CRPPA: variants seen among roughly 807,000 people sequenced by gnomAD.
CRPPA encodes D-ribitol-5-phosphate cytidylyltransferase.
A neutral mutation model predicts 52.0 loss-of-function variants in CRPPA; 43 were observed. That is an observed-to-expected ratio of 0.83 (90% CI 0.65 to 1.07). CRPPA has a LOEUF of 1.07. CRPPA is among the 50% of genes least tolerant of loss of function. The pLI, the probability that CRPPA is intolerant of heterozygous loss-of-function variation, is 0.00. For missense variants in CRPPA, 629 were observed against 551.7 expected, an observed-to-expected ratio of 1.14 and a Z score of -1.40; for synonymous variants, 250 against 203.5, an observed-to-expected ratio of 1.23 and a Z score of -1.94.
chr7:16,236,117 C>G (rs1782943582), intron 8 of CRPPA: 1 of 152,030 alleles, frequency 6.6e-6, no homozygotes, highest in Non-Finnish European at 1.5e-5. Flanking sequence ...GCAAGAAACA[C>G]AAGCTCATAG....
At chr7:16,417,797 TA>T (rs370966458) in intron 1 of CRPPA, among the ~76,000 whole-genome samples, 190 of 146,496 alleles carry the variant, frequency 1.3e-3, no homozygotes, top group African/African-American at 3.7e-3. Context: ...GTTGAAGTTA[TA>T]AAAAAAAAAA....
intron 9 of CRPPA, among the ~76,000 whole-genome samples, chr7:16,126,936 T>G (rs1015847084): frequency 3.3e-5 from 5 of 152,158 alleles, no homozygotes; most frequent in Admixed American, 6.5e-5. Context: ...AAAAATAGTA[T>G]GCTACAAGAC....
intron 9 of CRPPA, among the ~76,000 whole-genome samples, chr7:16,137,348 T>C (rs978534653): frequency 2.6e-5 from 4 of 152,232 alleles, no homozygotes; most frequent in Admixed American, 2.0e-4. Flanking sequence ...AAATTTCTGT[T>C]GTTTATAAGC....
At chr7:16,129,158 C>A (rs970018784) in intron 9 of CRPPA, among the ~76,000 whole-genome samples, 1 of 152,108 alleles carries the variant, frequency 6.6e-6, no homozygotes, top group Non-Finnish European at 1.5e-5. Context: ...CCCTTTCTCT[C>A]ATCTAACCTA....
Position 16,257,916 on chromosome 7 carries a change from C to T in CRPPA, c.1119+474G>A, listed in dbSNP as rs111735767. Among the ~76,000 whole-genome samples, 87 of 152,066 alleles carry T rather than the reference C, an allele frequency of 5.7e-4. 1 individual carries two copies. Among genetic ancestry groups the T allele is most frequent in the African/African-American group, 2.0e-3 (83 of 41,494 alleles). ...AAATCTCCCAAAATTTTTCATAGGC[C>T]ATTCTTCCAGGAATTCTCTTTAATT... On this transcript the variant is annotated intron_variant, in intron 8 of 9. Coordinates refer to ENST00000407010, the MANE Select transcript of CRPPA (RefSeq NM_001101426.4).
intron 1 of CRPPA, among the ~76,000 whole-genome samples, chr7:16,414,240 C>T (rs1264391130): frequency 6.6e-6 from 1 of 152,082 alleles, no homozygotes; most frequent in Admixed American, 6.6e-5. Context: ...CCCAACTCAT[C>T]ACCAAGTCTG....
At chr7:16,213,815 G>C (rs1006469041) in intron 9 of CRPPA, among the ~76,000 whole-genome samples, 1 of 151,408 alleles carries the variant, frequency 6.6e-6, no homozygotes, top group Non-Finnish European at 1.5e-5. Context: ...TCTATTTTAA[G>C]TATTAAACTA....
chr7:16,272,712 G>T (rs1265451189), intron 6 of CRPPA, among the ~76,000 whole-genome samples: 3 of 152,106 alleles, frequency 2.0e-5, no homozygotes, highest in Admixed American at 2.0e-4. Flanking sequence ...CAGACATTAG[G>T]TATTAGCCCT....
At chr7:16,158,007 T>G (rs1237939612) in intron 9 of CRPPA, among the ~76,000 whole-genome samples, 1 of 151,930 alleles carries the variant, frequency 6.6e-6, no homozygotes, top group Non-Finnish European at 1.5e-5. Flanking sequence ...CCTGAGTAGC[T>G]GGGACTACAG....
At chr7:16,224,149 C>T (rs1378296968) in intron 8 of CRPPA, among the ~76,000 whole-genome samples, 8 of 152,006 alleles carry the variant, frequency 5.3e-5, no homozygotes, top group East Asian at 1.9e-4. Flanking sequence ...TTCCGGCTCT[C>T]GGTGTTTGGA....
At chr7:16,413,252 T>C (rs1242060275) in intron 1 of CRPPA, among the ~76,000 whole-genome samples, 1 of 152,210 alleles carries the variant, frequency 6.6e-6, no homozygotes, top group East Asian at 1.9e-4. Flanking sequence ...CTTCCTACTA[T>C]GGCCCATGAA....
chr7:16,279,826 GC>G (rs1389798032), intron 5 of CRPPA, among the ~76,000 whole-genome samples: 2 of 152,194 alleles, frequency 1.3e-5, no homozygotes, highest in African/African-American at 2.4e-5. Context: ...TTACTTGAAA[GC>G]TATATTAGTT....
At chr7:16,212,884 T>C (rs1782188676) in intron 9 of CRPPA, among the ~76,000 whole-genome samples, 1 of 151,490 alleles carries the variant, frequency 6.6e-6, no homozygotes, top group Non-Finnish European at 1.5e-5. Flanking sequence ...TTATAATAGT[T>C]TATGGGAAAC....
chr7:16,215,996 A>C (rs1782294380), intron 9 of CRPPA, 70 bp downstream of exon 9: 1 of 1,212,454 alleles, frequency 8.2e-7, no homozygotes. Context: ...TCCTGCTTTT[A>C]ACAAATCAGA....
chr7:16,373,492 C>G (rs1786803140), intron 3 of CRPPA, among the ~76,000 whole-genome samples: 1 of 152,154 alleles, frequency 6.6e-6, no homozygotes, highest in Non-Finnish European at 1.5e-5. Flanking sequence ...ACCATCCCTG[C>G]CTTCACAGGG....
At chr7:16,193,553 T>A (rs182412604) in intron 9 of CRPPA, among the ~76,000 whole-genome samples, 3 of 152,090 alleles carry the variant, frequency 2.0e-5, no homozygotes, top group Non-Finnish European at 4.4e-5. Flanking sequence ...AAAATATAAA[T>A]ATTGAGATAA....
chr7:16,358,900 G>A (rs1786372316), intron 3 of CRPPA, among the ~76,000 whole-genome samples: 1 of 152,018 alleles, frequency 6.6e-6, no homozygotes, highest in Admixed American at 6.5e-5. Context: ...AGATATTAAT[G>A]CCCACAAAGA....
chr7:16,321,184 G>C (rs73684130), intron 3 of CRPPA, among the ~76,000 whole-genome samples: 1 of 151,930 alleles, frequency 6.6e-6, no homozygotes, highest in Non-Finnish European at 1.5e-5. Context: ...ATAATTGGGG[G>C]AAAGAAGTAA....
Position 16,303,485 on chromosome 7 carries a change from A to AC in CRPPA, c.790-2020_790-2019insG, listed in dbSNP as rs1247177879. On this transcript the variant is annotated intron_variant, in intron 4 of 9. Transcript: ENST00000407010. The stretch of plus-strand genomic sequence containing the variant: ...GTTGAGACATAAAATAGTAAAAAAA[A>AC]AAAAAAAAAAAAAAAAAACTTTCAG... Among the ~76,000 whole-genome samples the AC allele has an allele frequency of 1.8e-4, 26 of 142,296 alleles. 1 individual carries two copies. The highest frequency in any genetic ancestry group is 2.9e-4 in the Non-Finnish European group (19 of 66,556). 93.4% of individuals were successfully genotyped at this position (142,296 alleles called of 152,430 possible).
Sources: gnomAD v4.1 joint callset for allele counts (sites outside exome capture counted in the v4.1 genomes callset) on GRCh38, gnomAD v4.1.1 for gene constraint, MANE v1.5 for transcripts, NCBI Gene and HGNC (gene_info 2026-07-23, HGNC 2026-07-21) for gene names.